The following ABCA10 variants were observed in gnomAD, a reference collection of about 807,000 sequenced individuals.
ABCA10 encodes ATP-binding cassette sub-family A member 10.
A neutral mutation model predicts 187.5 loss-of-function variants in ABCA10; 169 were observed. The observed-to-expected ratio is 0.90, with a 90% CI of 0.80 to 1.02. The LOEUF is 1.02. ABCA10 is among the 50% of genes least tolerant of loss of function. ABCA10 has a pLI of 0.00. For missense variants in ABCA10, 1,727 were observed against 1,812.4 expected (o/e 0.95, Z 0.86); for synonymous variants, 574 against 601.8 (o/e 0.95, Z 0.68).
At chr17:69,152,951 A>C (rs2074141804) in intron 34 of ABCA10, among the ~76,000 whole-genome samples, 1 of 152,166 alleles carries the variant, frequency 6.6e-6, no homozygotes, top group Non-Finnish European at 1.5e-5. Flanking sequence ...AAAATAATGC[A>C]CTATTGGGGA....
Position 69,187,830 on chromosome 17 carries a change from T to C in ABCA10, c.2181A>G (p.Gly727=). 1 of 1,613,866 alleles carries C rather than the reference T, an allele frequency of 6.2e-7. No homozygotes were observed. The highest frequency in any genetic ancestry group is 8.5e-7 in the Non-Finnish European group (1 of 1,179,802). ...QEKIHVTRNT[G]DESEMEQVLC... is the part of the protein sequence containing the mutation. ...GAACCTGTTCCATTTCAGACTCATC[T>C]CCAGTATTTCTTGTCACATGTATTT... The change falls in exon 19 of 39, where the codon GGA becomes GGG. Residue 727 remains glycine, a synonymous_variant. Transcript: ENST00000690296.
At chr17:69,211,671 G>A (rs1484320217) in intron 9 of ABCA10, among the ~76,000 whole-genome samples, 1 of 151,876 alleles carries the variant, frequency 6.6e-6, no homozygotes, top group East Asian at 1.9e-4. Context: ...GCTTGTTATT[G>A]GTCTGTTCAG....
intron 6 of ABCA10, among the ~76,000 whole-genome samples, chr17:69,217,474 C>A (rs2074715017): frequency 6.6e-6 from 1 of 152,180 alleles, no homozygotes; most frequent in Admixed American, 6.5e-5. Flanking sequence ...TTAATCACAG[C>A]TTTATTCATA....
intron 25 of ABCA10, among the ~76,000 whole-genome samples, chr17:69,172,521 G>A (rs561899641): frequency 1.3e-5 from 2 of 152,266 alleles, no homozygotes; most frequent in East Asian, 3.9e-4. Flanking sequence ...CCAATAGCTT[G>A]ACCGTGGACT....
intron 22 of ABCA10, among the ~76,000 whole-genome samples, chr17:69,181,292 C>A (rs1008324524): frequency 6.6e-6 from 1 of 152,160 alleles, no homozygotes; most frequent in African/African-American, 2.4e-5. Context: ...TCATTTCCAA[C>A]CAAATCCATT....
chr17:69,222,726 A>G, intron 3 of ABCA10, 29 bp from the exon 4 acceptor site: 1 of 1,536,452 alleles, frequency 6.5e-7, no homozygotes, highest in African/African-American at 1.4e-5. Context: ...ATAAATAAAT[A>G]ATCATGTAAA....
intron 1 of ABCA10, among the ~76,000 whole-genome samples, chr17:69,239,841 G>A (rs1057439460): frequency 2.0e-5 from 3 of 152,088 alleles, no homozygotes; most frequent in Admixed American, 2.0e-4. Flanking sequence ...TACCTTCCTT[G>A]TTCGTTTGAA....
chr17:69,174,327 C>G lies in ABCA10; in HGVS notation c.3116G>C (p.Arg1039Pro). The G allele has an allele frequency of 6.2e-7, 1 of 1,609,004 alleles. No individual in the cohort carries two copies. Among genetic ancestry groups the G allele is most frequent in the Non-Finnish European group, 8.5e-7 (1 of 1,178,284 alleles). The change falls in exon 25 of 39, where the codon CGC becomes CCC. Residue 1039 changes from arginine to proline, a missense_variant. Arg to Pro is a moderately radical substitution (Grantham distance 103). Coordinates refer to ENST00000690296, the MANE Select transcript of ABCA10 (RefSeq NM_001377321.1). ...AAAGCCATTATTTTTTCTCCACTTG[C>G]GAAAGATGAATGAAAGCACATATGT... ...FLTYVLSFIF[R>P]KWRKNNGFWS...
At chr17:69,229,061 A>C (rs2074814071), upstream of ABCA10, among the ~76,000 whole-genome samples, 1 of 152,050 alleles carries the variant, frequency 6.6e-6, no homozygotes, top group South Asian at 2.1e-4. Context: ...CAGAAATCTG[A>C]ATCATTCCAA....
At chr17:69,234,243 A>G (rs1210304020) in intron 1 of ABCA10, 1 of 152,384 alleles carries the variant, frequency 6.6e-6, no homozygotes. Flanking sequence ...AGGATGCAAG[A>G]CATGGGCGAG....
At chr17:69,175,854 A>G (rs1404896319) in intron 22 of ABCA10, 1 of 175,532 alleles carries the variant, frequency 5.7e-6, no homozygotes, top group Non-Finnish European at 1.2e-5. Context: ...TGAAATGGCT[A>G]CTAAGTGACT....
In ABCA10 at chr17:69,235,241, C is replaced by G. The variant is rs150205279; in HGVS notation, c.-592-6381G>C. 3.1e-3 allele frequency among the ~76,000 whole-genome samples: 476 copies of G among 152,264 alleles called. 2 individuals carry two copies. The highest frequency in any genetic ancestry group is 5.2e-3 in the Non-Finnish European group (351 of 68,020). On this transcript the variant is annotated intron_variant, in intron 1 of 39. Coordinates refer to the ABCA10 transcript ENST00000269081. Reference sequence around the variant, plus strand: ...AGATTCTGTGCCATTTGGAGAGTGCCTGAAACGTTTCCTATTTTGTGGCTC... The same window carrying G: ...AGATTCTGTGCCATTTGGAGAGTGCGTGAAACGTTTCCTATTTTGTGGCTC...
chr17:69,228,735 T>C lies in ABCA10; in HGVS notation c.-467A>G, dbSNP rs1482040016. On this transcript the variant is annotated 5_prime_UTR_variant, in exon 1 of 39. Coordinates refer to ENST00000690296, the MANE Select transcript of ABCA10 (RefSeq NM_001377321.1). ...CAGCTTGGCTTCTGAAAAGCCATGG[T>C]CTGTGTGTAGAACATGCCAACAAAT... 6.6e-6 allele frequency: 1 copy of C among 152,004 alleles called. No homozygotes were observed. Among genetic ancestry groups the C allele is most frequent in the African/African-American group, 2.4e-5 (1 of 41,434 alleles). 9.4% of individuals were successfully genotyped at this position (152,004 alleles called of 1,614,324 possible).
At position 69,175,528 on chromosome 17, in the gene ABCA10, C is replaced by T. The variant is rs777135875; in HGVS notation, c.2770-15G>A. On this transcript the variant is annotated splice_polypyrimidine_tract_variant and intron_variant, in intron 22 of 38. Coordinates refer to ENST00000690296, the MANE Select transcript of ABCA10 (RefSeq NM_001377321.1). ...ACTATGTCATCCTGAAAGATGAAAA[C>T]ACATCAGTAAGCTGTTGCAATTGTT... is the stretch of plus-strand genomic sequence containing the variant. The T allele has an allele frequency of 6.4e-7, 1 of 1,568,652 alleles. No individual in the cohort carries two copies. Among genetic ancestry groups the T allele is most frequent in the South Asian group, 1.1e-5 (1 of 87,250 alleles).
chr17:69,195,338 A>G (rs1050313936), intron 11 of ABCA10, among the ~76,000 whole-genome samples: 6 of 152,068 alleles, frequency 3.9e-5, no homozygotes, highest in African/African-American at 1.4e-4. Flanking sequence ...AAACCGGTAT[A>G]AACAGTGTAT....
At chr17:69,176,706 C>T (rs576792448) in intron 22 of ABCA10, among the ~76,000 whole-genome samples, 1 of 152,076 alleles carries the variant, frequency 6.6e-6, no homozygotes, top group Admixed American at 6.6e-5. Context: ...GGTTGATGCA[C>T]ATATCTGTTT....
chr17:69,177,813 G>A (rs1407161609), intron 22 of ABCA10, among the ~76,000 whole-genome samples: 4 of 150,632 alleles, frequency 2.7e-5, no homozygotes, highest in East Asian at 2.0e-4. Context: ...AAAATTAGCC[G>A]GGTATGGTGG....
chr17:69,193,499 A>G lies in ABCA10; in HGVS notation c.1635T>C (p.Asp545=), dbSNP rs552653682. 1.2e-6 allele frequency: 2 copies of G among 1,610,932 alleles called. No homozygotes were observed. Among genetic ancestry groups the G allele is most frequent in the South Asian group, 2.2e-5 (2 of 89,992 alleles). Reference sequence around the variant, plus strand: ...AATATATTTTTTCTCTCACCTGAGGATCTCCTAAGATGGCAATCCCTAGTG... The same window carrying G: ...AATATATTTTTTCTCTCACCTGAGGGTCTCCTAAGATGGCAATCCCTAGTG... The part of the protein sequence containing the change: ...KLTLGIAILG[D]PQVLLLDEPT... The change falls in exon 14 of 39, where the codon GAT becomes GAC. Residue 545 remains aspartate (D), a synonymous_variant. Transcript: ENST00000690296.
chr17:69,226,872 T>C (rs17703558), intron 2 of ABCA10, among the ~76,000 whole-genome samples: 4,358 of 151,964 alleles, frequency 0.029, 99 homozygotes, highest in Admixed American at 0.058. Context: ...GCATTAATTA[T>C]GTGGAAAATG....
Sources: gnomAD v4.1 joint callset for allele counts (sites outside exome capture counted in the v4.1 genomes callset) on GRCh38, gnomAD v4.1.1 for gene constraint, MANE v1.5 for transcripts, NCBI Gene and HGNC (gene_info 2026-07-23, HGNC 2026-07-21) for gene names.